The following FRMD5 variants were observed in gnomAD, a reference collection of about 807,000 sequenced individuals.
The protein encoded by FRMD5 is FERM domain-containing protein 5.
Under a neutral mutation model 69.0 loss-of-function variants are expected in FRMD5, and 20 were observed. The ratio of observed to expected loss-of-function variants is 0.29; its 90% CI spans 0.20 to 0.42. FRMD5 has a LOEUF of 0.42. Among genes scored for constraint, FRMD5 ranks in the 10% least tolerant of loss-of-function variants. The probability of loss-of-function intolerance (pLI) is 1.00; values close to 1 mark genes in which losing one functional copy is unlikely to be tolerated. For synonymous variants in FRMD5, 271 were observed against 260.1 expected (o/e 1.04, Z -0.40); for missense variants, 595 against 708.6 (o/e 0.84, Z 1.82).
intron 1 of FRMD5, among the ~76,000 whole-genome samples, chr15:44,110,763 T>A (rs566275726): frequency 1.4e-3 from 206 of 152,356 alleles, no homozygotes; most frequent in South Asian, 3.3e-3. Context: ...AGCACTTCCT[T>A]GCCTTATGAT....
At chr15:44,131,758 C>T (rs2077101189) in intron 1 of FRMD5, among the ~76,000 whole-genome samples, 1 of 13,102 alleles carries the variant, frequency 7.6e-5, no homozygotes, top group African/African-American at 9.2e-5. Context: ...TAGAGACAGA[C>T]AGTAGAACGG....
chr15:44,095,148 G>T (rs991144819), intron 1 of FRMD5, among the ~76,000 whole-genome samples: 1 of 151,596 alleles, frequency 6.6e-6, no homozygotes, highest in African/African-American at 2.4e-5. Context: ...ATCTCTATGA[G>T]ACAGGACTTG....
intron 1 of FRMD5, among the ~76,000 whole-genome samples, chr15:44,051,554 T>C (rs1187674866): frequency 1.3e-5 from 2 of 152,072 alleles, no homozygotes; most frequent in Non-Finnish European, 2.9e-5. Flanking sequence ...ATAACCAATA[T>C]TATTATTTTA....
intron 1 of FRMD5, among the ~76,000 whole-genome samples, chr15:44,191,868 C>CA (rs1485456357): frequency 1.5e-5 from 2 of 135,414 alleles, no homozygotes; most frequent in Non-Finnish European, 3.1e-5. Flanking sequence ...CTCCAAATAA[C>CA]AAAGTAAGCT....
At chr15:43,960,114 A>T (rs921538677) in intron 1 of FRMD5, among the ~76,000 whole-genome samples, 1 of 150,810 alleles carries the variant, frequency 6.6e-6, no homozygotes, top group Non-Finnish European at 1.5e-5. Context: ...TTTGAGACGG[A>T]GTCTCGCTCT....
chr15:43,937,201 A>G (rs2089775534), intron 1 of FRMD5, among the ~76,000 whole-genome samples: 1 of 152,224 alleles, frequency 6.6e-6, no homozygotes, highest in Admixed American at 6.5e-5. Flanking sequence ...ACATCCTGAC[A>G]CCTAGACAAA....
chr15:43,980,348 C>T (rs2090529374), intron 1 of FRMD5, among the ~76,000 whole-genome samples: 1 of 152,150 alleles, frequency 6.6e-6, no homozygotes, highest in South Asian at 2.1e-4. Context: ...GGGAGATATC[C>T]TTAACATCAT....
chr15:44,008,711 T>C (rs987252485), intron 1 of FRMD5, among the ~76,000 whole-genome samples: 2 of 152,134 alleles, frequency 1.3e-5, no homozygotes, highest in African/African-American at 2.4e-5. Flanking sequence ...AGCATTAAAC[T>C]TGTAGAGTTC....
intron 13 of FRMD5, among the ~76,000 whole-genome samples, chr15:43,883,387 C>T (rs191617424): frequency 2.8e-4 from 43 of 152,284 alleles, no homozygotes; most frequent in Admixed American, 1.6e-3. Flanking sequence ...TGTGAGCCAC[C>T]GCACAGGGCG....
intron 13 of FRMD5, among the ~76,000 whole-genome samples, chr15:43,878,915 CTTTTTTTTTTTCTTTTCT>C (rs893881960): frequency 1.6e-5 from 2 of 127,612 alleles, no homozygotes; most frequent in East Asian, 4.6e-4. Flanking sequence ...ATAGGCATTT[CTTTTTTTTTTTCTTTTCT>C]TTTTTTTTTT....
chr15:44,151,618 T>C (rs1322907247), intron 1 of FRMD5, among the ~76,000 whole-genome samples: 2 of 152,028 alleles, frequency 1.3e-5, no homozygotes, highest in Non-Finnish European at 2.9e-5. Context: ...AGAGTAGTGC[T>C]AAAAGACCTA....
intron 1 of FRMD5, among the ~76,000 whole-genome samples, chr15:44,118,661 T>C (rs577855981): frequency 6.6e-6 from 1 of 152,324 alleles, no homozygotes; most frequent in Admixed American, 6.5e-5. Context: ...AACTCAAGCC[T>C]AAAGCAGGAA....
At position 44,128,979 on chromosome 15, in the gene FRMD5, T is replaced by C. The variant is rs2077061930; in HGVS notation, c.102+65974A>G. Among the ~76,000 whole-genome samples, 3 of 152,148 alleles carry C rather than the reference T, an allele frequency of 2.0e-5. No homozygotes were observed. The South Asian group carries it at 6.2e-4, about 32-fold the overall frequency. Reference sequence around the variant, plus strand: ...CAAACAGCAGCTAGGAGTACAACATTAGTGGAGGTCTGAAGCTCTTTACAC... The same window carrying C: ...CAAACAGCAGCTAGGAGTACAACATCAGTGGAGGTCTGAAGCTCTTTACAC... On this transcript the variant is annotated intron_variant, in intron 1 of 13. Coordinates refer to ENST00000417257, the MANE Select transcript of FRMD5 (RefSeq NM_032892.5).
rs144574392 is a variant in FRMD5 at position 44,003,502 on chromosome 15, T to C, written c.103-79193A>G. ...ACCCAGAGTCCTAAAAATGTCCCTA[T>C]AACTTTCTGGCCTCACCTCCTATTA... On this transcript the variant is annotated intron_variant, in intron 1 of 13. Coordinates refer to ENST00000417257, the MANE Select transcript of FRMD5 (RefSeq NM_032892.5). 3.3e-4 allele frequency among the ~76,000 whole-genome samples: 50 copies of C among 152,310 alleles called. 1 individual carries two copies. The highest frequency in any genetic ancestry group is 1.2e-3 in the African/African-American group (50 of 41,576).
At position 43,972,233 on chromosome 15, in the gene FRMD5, C is replaced by G. The variant is rs145955495; in HGVS notation, c.103-47924G>C. Among the ~76,000 whole-genome samples the G allele has an allele frequency of 8.6e-3, 1,308 of 152,054 alleles. 18 individuals are homozygous for G. Among genetic ancestry groups the G allele is most frequent in the African/African-American group, 0.03 (1,243 of 41,472 alleles). On this transcript the variant is annotated intron_variant, in intron 1 of 13. Transcript: ENST00000417257. Reference sequence around the variant, plus strand: ...AGCATGGAAGACCAACCAACTCCATCTCTCTCTTATCCCCTCCTGCAGCAC... The same window carrying G: ...AGCATGGAAGACCAACCAACTCCATGTCTCTCTTATCCCCTCCTGCAGCAC...
chr15:43,893,125 AAAC>A (rs2088832211), intron 7 of FRMD5, among the ~76,000 whole-genome samples: 1 of 146,624 alleles, frequency 6.8e-6, no homozygotes. Context: ...ACAAACGAAA[AAAC>A]AAAAAAAAAA....
chr15:44,123,464 T>C (rs560338033), intron 1 of FRMD5, among the ~76,000 whole-genome samples: 2 of 152,276 alleles, frequency 1.3e-5, no homozygotes, highest in Admixed American at 6.5e-5. Context: ...AGCAACTCAA[T>C]GTTGGGTAAA....
intron 1 of FRMD5, among the ~76,000 whole-genome samples, chr15:43,996,686 CTTT>C (rs1256273194): frequency 3.3e-5 from 3 of 91,806 alleles, no homozygotes. Context: ...TGGGGATTGC[CTTT>C]TTTTTTTTTT....
intron 1 of FRMD5, among the ~76,000 whole-genome samples, chr15:43,986,476 G>GA (rs1019674370): frequency 2.0e-5 from 3 of 152,196 alleles, no homozygotes; most frequent in Non-Finnish European, 4.4e-5. Flanking sequence ...TGTAAATGAG[G>GA]AAAGTGGTTG....
Sources: allele counts gnomAD v4.1 joint callset (sites outside exome capture counted in the v4.1 genomes callset), GRCh38; gene constraint gnomAD v4.1.1; transcripts MANE v1.5; gene names NCBI Gene and HGNC (gene_info 2026-07-23, HGNC 2026-07-21).